The following ZNF10 variants were observed in gnomAD, a reference collection of about 807,000 sequenced individuals.
ZNF10 encodes the protein zinc finger protein 10, also known as zinc finger protein 10 (KOX 1).
In ZNF10, 8 loss-of-function variants were observed where a neutral mutation model predicts 12.2. The ratio of observed to expected loss-of-function variants is 0.66; its 90% confidence interval spans 0.39 to 1.18. ZNF10 has a LOEUF of 1.18. Among genes scored for constraint, ZNF10 ranks in the 50% most tolerant of loss-of-function variants. The probability of loss-of-function intolerance (pLI) is 0.01; values close to 1 mark genes in which losing one functional copy is unlikely to be tolerated. For synonymous variants in ZNF10, 229 were observed against 228.2 expected, an observed-to-expected ratio of 1.00 and a Z score of -0.03; for missense variants, 603 against 678.9, an observed-to-expected ratio of 0.89 and a Z score of 1.24.
chr12:133,150,618 A>G (rs902986170), intron 2 of ZNF10, among the ~76,000 whole-genome samples: 19 of 151,600 alleles, frequency 1.3e-4, no homozygotes, highest in Admixed American at 2.0e-4. Flanking sequence ...TGTTTTGGAT[A>G]ATTATTTTAG....
At chr12:133,140,202 CAAA>C (rs67577219) in intron 1 of ZNF10, among the ~76,000 whole-genome samples, 23 of 35,212 alleles carry the variant, frequency 6.5e-4, no homozygotes, top group East Asian at 2.0e-3. Flanking sequence ...GACCCTGTCT[CAAA>C]AAAAAAAAAA....
intron 1 of ZNF10, among the ~76,000 whole-genome samples, chr12:133,136,814 A>G (rs1955914896): frequency 6.6e-6 from 1 of 152,148 alleles, no homozygotes; most frequent in South Asian, 2.1e-4. Context: ...CCTCCTCCCG[A>G]AAAGCTTGTC....
At position 133,156,827 on chromosome 12, in the gene ZNF10, C is replaced by T. The variant is rs1956045524; in HGVS notation, c.1581C>T (p.Ser527=). 5.8e-6 allele frequency: 9 copies of T among 1,540,028 alleles called. No individual in the cohort carries two copies. The highest frequency in any genetic ancestry group is 7.8e-6 in the Non-Finnish European group (9 of 1,147,716). ...GTAATCAATGTGGCATTATCTTCAG[C>T]CAGAACTCTCCATTTATAGTTCATC... ...YKCNQCGIIF[S]QNSPFIVHQI... The change falls in exon 5 of 5, where the codon AGC becomes AGT. Residue 527 remains serine (S), a synonymous_variant. Transcript: ENST00000248211.
At chr12:133,153,186 A>G (rs760162615) in intron 4 of ZNF10, among the ~76,000 whole-genome samples, 11 of 152,120 alleles carry the variant, frequency 7.2e-5, no homozygotes, top group Non-Finnish European at 1.5e-4. Flanking sequence ...TTATTGTCAA[A>G]AGAAATACTC....
In ZNF10 at chr12:133,142,259, C is replaced by T. The variant is rs968961538; in HGVS notation, c.-59-2175C>T. Among the ~76,000 whole-genome samples the T allele has an allele frequency of 9.9e-5, 15 of 151,914 alleles. No individual in the cohort carries two copies. In the East Asian group the frequency reaches 2.9e-3, roughly 29 times the overall value. On this transcript the variant is annotated intron_variant, in intron 1 of 4. Transcript: ENST00000248211. ...CCAACATGGTGAAACCCCGTCTCTA[C>T]TAAAAAATACAAAAAATTAGCTTTG...
Position 133,155,595 on chromosome 12 carries a change from G to A in ZNF10, c.349G>A (p.Ala117Thr). The A allele has an allele frequency of 2.5e-6, 4 of 1,613,864 alleles. No homozygotes were observed. The highest frequency in any genetic ancestry group is 3.4e-6 in the Non-Finnish European group (4 of 1,179,938). The change falls in exon 5 of 5, where the codon GCA becomes ACA. Residue 117 changes from alanine (A) to threonine (T), a missense_variant. Around this residue, in one of 3 missense-constraint regions of ZNF10, gnomAD observed 393 missense variants for 399.7 expected, o/e 0.98. Transcript: ENST00000248211. ...QSCDIKMEGMARNDLWYLSLE... is the reference protein window; with the variant it reads ...QSCDIKMEGMTRNDLWYLSLE... ...CTGTGACATTAAAATGGAAGGAATG[G>A]CAAGGAATGATCTCTGGTATTTGTC...
rs1249497116 is a variant in ZNF10 at position 133,158,260 on chromosome 12, C to A, written c.*1292C>A. 1 of 152,180 alleles carries A rather than the reference C, an allele frequency of 6.6e-6. No homozygotes were observed. Among genetic ancestry groups the A allele is most frequent in the Non-Finnish European group, 1.5e-5 (1 of 68,016 alleles). The allele number at this position is 152,180 out of a possible 1,614,324, so 9.4% of individuals were successfully genotyped here. The stretch of plus-strand genomic sequence containing the variant: ...ACATATATTATGTTCTCTGTAGTTA[C>A]TGGCTGTGATTATTAATAATATTGC... On this transcript the variant is annotated 3_prime_UTR_variant, in exon 5 of 5. Transcript: ENST00000248211.
rs1956043083 is a variant in ZNF10, at chr12:133,156,540, C to T, written c.1294C>T (p.Pro432Ser). The change falls in exon 5 of 5, where the codon CCT (proline) becomes TCT (serine). Residue 432 changes from proline to serine, a missense_variant. Around this residue, in one of 3 missense-constraint regions of ZNF10, gnomAD observed 204 missense variants for 262.8 expected, o/e 0.78. Transcript: ENST00000248211. ...TCATAGAATTCACACTGGACTAAAA[C>T]CTTTTGAGTGTAAGGATTGTGGAAA... is the stretch of plus-strand genomic sequence containing the variant. ...VHHRIHTGLK[P>S]FECKDCGKCF... 1.2e-6 allele frequency: 2 copies of T among 1,613,864 alleles called. No homozygotes were observed. Among genetic ancestry groups the T allele is most frequent in the East Asian group, 4.5e-5 (2 of 44,880 alleles).
chr12:133,139,505 C>T (rs983832279), intron 1 of ZNF10, among the ~76,000 whole-genome samples: 1 of 152,156 alleles, frequency 6.6e-6, no homozygotes, highest in Non-Finnish European at 1.5e-5. Context: ...TCTATACGTA[C>T]TGGGAGACCA....
intron 1 of ZNF10, among the ~76,000 whole-genome samples, chr12:133,140,465 G>A (rs1253295588): frequency 1.4e-5 from 2 of 143,756 alleles, no homozygotes; most frequent in African/African-American, 5.2e-5. Context: ...CTTACCACGT[G>A]TCAGGCACCA....
At chr12:133,134,972 A>G (rs766292268) in intron 1 of ZNF10, among the ~76,000 whole-genome samples, 4 of 152,140 alleles carry the variant, frequency 2.6e-5, no homozygotes, top group Non-Finnish European at 4.4e-5. Context: ...GAAGTTTTGC[A>G]GATTTCCCCA....
chr12:133,140,348 G>A (rs565549675), intron 1 of ZNF10, among the ~76,000 whole-genome samples: 2 of 150,348 alleles, frequency 1.3e-5, no homozygotes, highest in East Asian at 1.9e-4. Flanking sequence ...ACCGCACTCC[G>A]GCCTAGGTGA....
At chr12:133,152,682 C>T (rs973098201) in intron 4 of ZNF10, among the ~76,000 whole-genome samples, 1 of 152,182 alleles carries the variant, frequency 6.6e-6, no homozygotes, top group Non-Finnish European at 1.5e-5. Flanking sequence ...TTCCAAAGTG[C>T]TGGGATTACA....
Position 133,157,021 on chromosome 12 carries a change from C to T in ZNF10, c.*53C>T. 7.4e-7 allele frequency: 1 copy of T among 1,360,190 alleles called. No individual in the cohort carries two copies. Among genetic ancestry groups the T allele is most frequent in the South Asian group, 2.2e-5 (1 of 44,604 alleles). The allele number at this position is 1,360,190 out of a possible 1,614,324, so 84.3% of individuals were successfully genotyped here. A position where few individuals can be genotyped will look rare whatever the true frequency, so the allele number is the denominator to read the frequency against. On this transcript the variant is annotated 3_prime_UTR_variant, in exon 5 of 5. Coordinates refer to ENST00000248211, the MANE Select transcript of ZNF10 (RefSeq NM_015394.5). The stretch of plus-strand genomic sequence containing the variant: ...AATGACTTTATTTTGCATTGGAGAA[C>T]TCCTGGAGATAAGCTGTACAAATTG...
At chr12:133,131,192 G>T (rs1481022513) in intron 1 of ZNF10, among the ~76,000 whole-genome samples, 1 of 140,194 alleles carries the variant, frequency 7.1e-6, no homozygotes, top group East Asian at 1.9e-4. Flanking sequence ...TGCATCTCTA[G>T]CTCTTAGCTT....
chr12:133,137,585 T>C (rs573902990), intron 1 of ZNF10, among the ~76,000 whole-genome samples: 1 of 152,332 alleles, frequency 6.6e-6, no homozygotes, highest in Non-Finnish European at 1.5e-5. Flanking sequence ...AGAAACCACC[T>C]TCTATGCTCC....
chr12:133,144,679 TG>T (rs1955965527), intron 2 of ZNF10, among the ~76,000 whole-genome samples, 154 bp downstream of exon 2: 1 of 152,228 alleles, frequency 6.6e-6, no homozygotes, highest in Non-Finnish European at 1.5e-5. Flanking sequence ...GACAGATCAC[TG>T]TGGGCTTTGG....
At chr12:133,139,001 G>T (rs10870585) in intron 1 of ZNF10, among the ~76,000 whole-genome samples, 91,820 of 152,068 alleles carry the variant, frequency 0.6, 28,733 homozygotes, top group African/African-American at 0.73. Flanking sequence ...AAATAGTATG[G>T]CATTGCCTTT....
intron 2 of ZNF10, chr12:133,144,866 T>C (rs11613951): frequency 0.22 from 101,352 of 464,632 alleles, 12,609 homozygotes; most frequent in Middle Eastern, 0.27. Context: ...CAAAAACAGG[T>C]ATTTACAAAC....
Sources: gnomAD v4.1 joint callset for allele counts (sites outside exome capture counted in the v4.1 genomes callset) on GRCh38, gnomAD v4.1.1 for gene constraint, gnomAD v4.1.1 regional missense constraint, MANE v1.5 for transcripts, NCBI Gene and HGNC (gene_info 2026-07-23, HGNC 2026-07-21) for gene names.